Variants in CSMD1 observed in about 807,000 individuals in gnomAD.
CSMD1 encodes the protein CUB and sushi domain-containing protein 1.
In CSMD1, 213 loss-of-function variants were observed where a neutral mutation model predicts 417.5. That is an observed-to-expected ratio of 0.51 (90% confidence interval 0.46 to 0.57). CSMD1 has a LOEUF of 0.57. Ranked by LOEUF, CSMD1 falls within the 20% of genes least tolerant of loss-of-function variation. The pLI is 0.00. For missense variants in CSMD1, 6,923 were observed against 4,529.7 expected, an observed-to-expected ratio of 1.53 and a Z score of -15.17; for synonymous variants, 2,862 against 1,736.8, an observed-to-expected ratio of 1.65 and a Z score of -16.11.
chr8:3,707,024 C>T (rs1449960504), intron 7 of CSMD1, among the ~76,000 whole-genome samples: 1 of 151,790 alleles, frequency 6.6e-6, no homozygotes, highest in African/African-American at 2.4e-5. Flanking sequence ...TGGGAGACAC[C>T]TAAGACCAGA....
At chr8:4,223,473 G>A (rs752216809) in intron 3 of CSMD1, among the ~76,000 whole-genome samples, 1 of 152,222 alleles carries the variant, frequency 6.6e-6, no homozygotes, top group Non-Finnish European at 1.5e-5. Context: ...GCCATGGCTG[G>A]GAAGGATAAT....
intron 52 of CSMD1, among the ~76,000 whole-genome samples, chr8:3,003,001 T>C (rs1179134530): frequency 6.6e-6 from 1 of 152,236 alleles, no homozygotes; most frequent in Non-Finnish European, 1.5e-5. Flanking sequence ...ACAGAACAAT[T>C]ATTTCTTCAT....
At chr8:2,983,194 T>A (rs999135515) in intron 54 of CSMD1, among the ~76,000 whole-genome samples, 7 of 152,130 alleles carry the variant, frequency 4.6e-5, no homozygotes, top group African/African-American at 1.7e-4. Context: ...CATACATATA[T>A]ATTTTTTTTT....
chr8:3,641,538 G>T (rs1008832610), intron 7 of CSMD1, among the ~76,000 whole-genome samples: 14 of 152,180 alleles, frequency 9.2e-5, no homozygotes, highest in Non-Finnish European at 1.6e-4. Context: ...TCAGCACACA[G>T]AAAGGGAGTG....
chr8:3,481,735 T>C (rs534443955), intron 11 of CSMD1, among the ~76,000 whole-genome samples: 1 of 152,200 alleles, frequency 6.6e-6, no homozygotes, highest in African/African-American at 2.4e-5. Context: ...AGAGAGTGGG[T>C]TGATGTGGCC....
intron 6 of CSMD1, among the ~76,000 whole-genome samples, chr8:3,738,019 G>C (rs956484089): frequency 1.3e-5 from 2 of 152,130 alleles, no homozygotes; most frequent in Non-Finnish European, 2.9e-5. Context: ...AAGTGAAAAG[G>C]GGCCATGTCT....
At chr8:3,954,616 C>G (rs1228420846) in intron 5 of CSMD1, among the ~76,000 whole-genome samples, 2 of 152,236 alleles carry the variant, frequency 1.3e-5, no homozygotes, top group Non-Finnish European at 2.9e-5. Flanking sequence ...CCCACCTTGG[C>G]CTCCCAAAGT....
chr8:4,156,969 G>T (rs757655749), intron 3 of CSMD1, among the ~76,000 whole-genome samples: 1 of 152,066 alleles, frequency 6.6e-6, no homozygotes, highest in East Asian at 1.9e-4. Context: ...CAACTGCTTG[G>T]CAGATGATGC....
intron 1 of CSMD1, among the ~76,000 whole-genome samples, chr8:4,755,720 C>A (rs555304390): frequency 5.3e-5 from 8 of 152,090 alleles, no homozygotes; most frequent in Non-Finnish European, 1.0e-4. Flanking sequence ...ATCTTGCTTC[C>A]GTTTTCTGTA....
chr8:4,789,252 A>G (rs896908799), intron 1 of CSMD1, among the ~76,000 whole-genome samples: 2 of 152,206 alleles, frequency 1.3e-5, no homozygotes, highest in Admixed American at 6.5e-5. Context: ...TTTCTCATCT[A>G]TGAAGATGAT....
chr8:4,064,104 G>A (rs1243829744), intron 3 of CSMD1, among the ~76,000 whole-genome samples: 2 of 152,142 alleles, frequency 1.3e-5, no homozygotes, highest in African/African-American at 2.4e-5. Flanking sequence ...CTACTCTCCT[G>A]CAGCAAAGGG....
intron 18 of CSMD1, among the ~76,000 whole-genome samples, chr8:3,372,218 T>C (rs746132969): frequency 3.9e-5 from 6 of 152,060 alleles, no homozygotes; most frequent in African/African-American, 7.2e-5. Context: ...AAACAGTGAA[T>C]ACCTGGGGAA....
At chr8:3,651,054 T>C (rs1679817752) in intron 7 of CSMD1, among the ~76,000 whole-genome samples, 1 of 152,196 alleles carries the variant, frequency 6.6e-6, no homozygotes. Context: ...CCCACCAGAA[T>C]ATCCCATGAG....
At chr8:4,127,144 G>T (rs1205052932) in intron 3 of CSMD1, among the ~76,000 whole-genome samples, 1 of 151,876 alleles carries the variant, frequency 6.6e-6, no homozygotes, top group African/African-American at 2.4e-5. Flanking sequence ...ATCCATCTTT[G>T]CATCTGCTGC....
chr8:3,297,577 A>G (rs1254722963), intron 25 of CSMD1, among the ~76,000 whole-genome samples: 1 of 152,240 alleles, frequency 6.6e-6, no homozygotes, highest in Non-Finnish European at 1.5e-5. Context: ...AAATCACTTC[A>G]GCAAATTGTC....
chr8:4,900,262 T>A (rs760353252), intron 1 of CSMD1, among the ~76,000 whole-genome samples: 5 of 152,160 alleles, frequency 3.3e-5, no homozygotes, highest in Non-Finnish European at 7.3e-5. Context: ...AGTGTCACCT[T>A]CTTTCGCACT....
At chr8:4,480,786 C>G (rs1339532068) in intron 2 of CSMD1, among the ~76,000 whole-genome samples, 4 of 152,154 alleles carry the variant, frequency 2.6e-5, no homozygotes, top group African/African-American at 9.7e-5. Context: ...GACTCAGGAA[C>G]CAATTAATAT....
chr8:3,503,838 C>CA (rs1303781838), intron 10 of CSMD1, among the ~76,000 whole-genome samples: 4 of 149,210 alleles, frequency 2.7e-5, no homozygotes, highest in Middle Eastern at 3.4e-3. Context: ...CCCTTGCCCC[C>CA]CCCCAACCCC....
intron 51 of CSMD1, among the ~76,000 whole-genome samples, chr8:3,025,253 T>C (rs1269621551): frequency 6.6e-6 from 1 of 151,426 alleles, no homozygotes; most frequent in Non-Finnish European, 1.5e-5. Context: ...TATTGTGTGG[T>C]GTTATTCTGA....
Sources: allele counts gnomAD v4.1 joint callset (sites outside exome capture counted in the v4.1 genomes callset), GRCh38; gene constraint gnomAD v4.1.1; transcripts MANE v1.5; gene names NCBI Gene and HGNC (gene_info 2026-07-23, HGNC 2026-07-21).